Variants in TENM2 observed in about 807,000 individuals in gnomAD.
TENM2 encodes teneurin transmembrane protein 2.
In TENM2, 52 loss-of-function variants were observed where a neutral mutation model predicts 245.2. The ratio of observed to expected loss-of-function variants is 0.21; its 90% CI spans 0.17 to 0.27. The LOEUF (loss-of-function observed/expected upper bound fraction) is 0.27. TENM2 is among the 10% of genes least tolerant of loss of function. The pLI, the probability that TENM2 is intolerant of heterozygous loss-of-function variation, is 1.00. For missense variants in TENM2, 3,046 were observed against 3,666.8 expected (o/e 0.83, Z 4.37); for synonymous variants, 1,363 against 1,438.9 (o/e 0.95, Z 1.19).
intron 2 of TENM2, among the ~76,000 whole-genome samples, chr5:167,400,787 G>A (rs1344849087): frequency 6.6e-6 from 1 of 152,092 alleles, no homozygotes; most frequent in African/African-American, 2.4e-5. Flanking sequence ...TGGCAGAAGG[G>A]ACTATTAAGT....
intron 3 of TENM2, among the ~76,000 whole-genome samples, chr5:167,919,941 T>C (rs1175117603): frequency 1.3e-5 from 2 of 152,166 alleles, no homozygotes; most frequent in African/African-American, 4.8e-5. Flanking sequence ...GACATTCTTT[T>C]TTTTGGACGA....
At chr5:168,190,304 C>T (rs376381745) in intron 13 of TENM2, 33 bp from the exon 16 acceptor site, 742 of 1,570,934 alleles carry the variant, frequency 4.7e-4, no homozygotes, top group Non-Finnish European at 6.0e-4. Flanking sequence ...GCCATGAAAT[C>T]TGCTGACTCT....
At chr5:168,070,078 T>G (rs1004360759) in intron 7 of TENM2, among the ~76,000 whole-genome samples, 4 of 152,220 alleles carry the variant, frequency 2.6e-5, no homozygotes, top group African/African-American at 9.6e-5. Flanking sequence ...TCAAACTAAG[T>G]GATGCTGCAC....
At chr5:167,400,055 A>G (rs922876896) in intron 2 of TENM2, among the ~76,000 whole-genome samples, 1 of 152,194 alleles carries the variant, frequency 6.6e-6, no homozygotes, top group Non-Finnish European at 1.5e-5. Context: ...GTAGAATTGC[A>G]TAGCAAAGTA....
chr5:167,840,913 G>A (rs1769448943), intron 2 of TENM2, among the ~76,000 whole-genome samples: 1 of 152,174 alleles, frequency 6.6e-6, no homozygotes. Context: ...AATTGTGCCA[G>A]TGACTCTTAA....
At chr5:167,810,474 C>T (rs1245051642) in intron 2 of TENM2, among the ~76,000 whole-genome samples, 1 of 151,934 alleles carries the variant, frequency 6.6e-6, no homozygotes, top group Non-Finnish European at 1.5e-5. Context: ...TCCATACTAA[C>T]CCCATCTGGA....
chr5:168,176,373 A>G (rs987280300), intron 13 of TENM2, among the ~76,000 whole-genome samples: 2 of 152,072 alleles, frequency 1.3e-5, no homozygotes, highest in African/African-American at 4.8e-5. Flanking sequence ...CATACCTGCC[A>G]TCTTGCCATT....
intron 7 of TENM2, among the ~76,000 whole-genome samples, chr5:168,081,729 T>C (rs1345447468): frequency 1.3e-5 from 2 of 152,236 alleles, no homozygotes; most frequent in East Asian, 1.9e-4. Context: ...GGTTGAAAAT[T>C]CTTTTCTTTA....
the TENM2 span, among the ~76,000 whole-genome samples, chr5:167,044,026 T>TAGGAAGAAAGGA: frequency 1.7e-4 from 12 of 71,928 alleles, no homozygotes; most frequent in South Asian, 3.5e-4. Context: ...CTCAAATAAA[T>TAGGAAGAAAGGA]AGTAAGGACA....
At chr5:168,259,815 T>C (rs1426678857) in intron 27 of TENM2, among the ~76,000 whole-genome samples, 1 of 152,262 alleles carries the variant, frequency 6.6e-6, no homozygotes, top group East Asian at 1.9e-4. Context: ...AGATGCTCCC[T>C]TAAACACTTG....
At chr5:167,026,430 G>A in the TENM2 span, among the ~76,000 whole-genome samples, 11 of 152,166 alleles carry the variant, frequency 7.2e-5, no homozygotes, top group African/African-American at 2.7e-4. Context: ...ACAGTCTCCA[G>A]TATTCCCTCT....
At chr5:167,691,632 A>G (rs973746020) in intron 2 of TENM2, among the ~76,000 whole-genome samples, 6 of 152,136 alleles carry the variant, frequency 3.9e-5, no homozygotes, top group Non-Finnish European at 5.9e-5. Flanking sequence ...CCTTCACTAC[A>G]TATTCCTTGA....
At chr5:168,167,588 G>A (rs927794016) in intron 13 of TENM2, among the ~76,000 whole-genome samples, 13 of 152,158 alleles carry the variant, frequency 8.5e-5, no homozygotes, top group African/African-American at 2.7e-4. Context: ...AGCCTGTCCC[G>A]TCACCCCGCA....
intron 5 of TENM2, among the ~76,000 whole-genome samples, chr5:168,036,288 G>A (rs1206130178): frequency 1.3e-5 from 2 of 152,180 alleles, no homozygotes; most frequent in Non-Finnish European, 2.9e-5. Flanking sequence ...AGAATCATGT[G>A]CCTTTAGCAC....
At chr5:168,255,509 T>C (rs899768443) in intron 27 of TENM2, among the ~76,000 whole-genome samples, 2 of 152,078 alleles carry the variant, frequency 1.3e-5, no homozygotes, top group African/African-American at 4.8e-5. Context: ...TTTCACCATA[T>C]TGATCAAGCT....
intron 2 of TENM2, among the ~76,000 whole-genome samples, chr5:167,586,812 G>A (rs1028118211): frequency 6.6e-6 from 1 of 152,048 alleles, no homozygotes; most frequent in African/African-American, 2.4e-5. Flanking sequence ...AGTAAAGAAA[G>A]AATTTTTCTT....
At chr5:168,199,876 G>C in exon 17 of TENM2, 2 of 1,613,650 alleles carry the variant, frequency 1.2e-6, no homozygotes, top group South Asian at 2.2e-5. Context: ...TCTTCATGAA[G>C]AAATCGAGCT....
At chr5:167,563,853 G>T (rs144291316) in intron 2 of TENM2, among the ~76,000 whole-genome samples, 2 of 152,326 alleles carry the variant, frequency 1.3e-5, no homozygotes, top group African/African-American at 4.8e-5. Context: ...AAGCCTGGTA[G>T]CAACAGGCTA....
the TENM2 span, among the ~76,000 whole-genome samples, chr5:167,268,828 G>A: frequency 6.6e-6 from 1 of 151,740 alleles, no homozygotes; most frequent in Non-Finnish European, 1.5e-5. Flanking sequence ...GTTGATCCCT[G>A]ACATATAGCA....
Sources: allele counts gnomAD v4.1 joint callset (sites outside exome capture counted in the v4.1 genomes callset), GRCh38; gene constraint gnomAD v4.1.1; transcripts MANE v1.5; gene names NCBI Gene and HGNC (gene_info 2026-07-23, HGNC 2026-07-21).